Variants in ANKRD44 observed in about 807,000 individuals in gnomAD.
ANKRD44 encodes the protein ankyrin repeat domain 44, also known as serine/threonine-protein phosphatase 6 regulatory ankyrin repeat subunit B.
ANKRD44 carries 35 observed loss-of-function variants against 116.0 expected under a neutral mutation model. The ratio of observed to expected loss-of-function variants is 0.30; its 90% confidence interval spans 0.23 to 0.40. The LOEUF (loss-of-function observed/expected upper bound fraction) is 0.40, where lower values mean the gene tolerates loss of function less well. Among genes scored for constraint, ANKRD44 ranks in the 10% least tolerant of loss-of-function variants. The pLI is 1.00. For synonymous variants in ANKRD44, 435 were observed against 461.8 expected (o/e 0.94, Z 0.74); for missense variants, 1,014 against 1,242.6 (o/e 0.82, Z 2.77).
intron 1 of ANKRD44, among the ~76,000 whole-genome samples, chr2:197,233,026 G>T (rs1459224224): frequency 6.6e-6 from 1 of 152,122 alleles, no homozygotes; most frequent in Non-Finnish European, 1.5e-5. Context: ...AATAAAACTG[G>T]TAACTGTACA....
chr2:197,047,973 T>G (rs1202196291), intron 16 of ANKRD44, among the ~76,000 whole-genome samples: 1 of 151,800 alleles, frequency 6.6e-6, no homozygotes, highest in African/African-American at 2.4e-5. Flanking sequence ...CCTCTGGAAC[T>G]AAAAGTATCT....
chr2:197,278,398 C>T (rs1348572563), intron 1 of ANKRD44, among the ~76,000 whole-genome samples: 1 of 151,598 alleles, frequency 6.6e-6, no homozygotes. Context: ...GCTCTGTCGC[C>T]CAGGCTGGAG....
At position 196,968,843 on chromosome 2, in the gene ANKRD44, G is replaced by A. The variant is rs544970328; in HGVS notation, c.2369-1397C>T. On this transcript the variant is annotated intron_variant, in intron 21 of 21. Coordinates refer to the ANKRD44 transcript ENST00000424317. The stretch of plus-strand genomic sequence containing the variant: ...TTGTCTTTCCATTTTGAGCTTTCAC[G>A]CAGGCCCCCCTGTCTATATTCAACC... Among the ~76,000 whole-genome samples the A allele has an allele frequency of 8.5e-4, 130 of 152,162 alleles. 4 individuals carry two copies. In the South Asian group the frequency reaches 0.026, roughly 30 times the overall value.
chr2:197,090,131 A>C, intron 10 of ANKRD44, 99 bp from the exon 11 acceptor site: 1 of 898,262 alleles, frequency 1.1e-6, no homozygotes. Flanking sequence ...AATTAACAAC[A>C]CCTTGTGTAG....
chr2:197,108,613 C>G (rs1300132645), intron 9 of ANKRD44, among the ~76,000 whole-genome samples: 1 of 152,128 alleles, frequency 6.6e-6, no homozygotes, highest in Non-Finnish European at 1.5e-5. Context: ...CCAAGGTGGA[C>G]AGATCATTTG....
At chr2:196,979,901 G>T (rs973950970) in intron 21 of ANKRD44, among the ~76,000 whole-genome samples, 7 of 152,032 alleles carry the variant, frequency 4.6e-5, no homozygotes, top group South Asian at 2.1e-4. Context: ...GGTTTTTAAA[G>T]GTTTTTGTCA....
intron 1 of ANKRD44, among the ~76,000 whole-genome samples, chr2:197,204,306 T>C (rs2081158950): frequency 6.6e-6 from 1 of 152,174 alleles, no homozygotes; most frequent in Non-Finnish European, 1.5e-5. Context: ...AACAGGGTTA[T>C]TGGCAGATAC....
At chr2:197,186,612 C>CTTTTTTTTTTTTTTTTTTTTTTTTTTTTT (rs149107038) in intron 2 of ANKRD44, among the ~76,000 whole-genome samples, 1 of 50,786 alleles carries the variant, frequency 2.0e-5, no homozygotes, top group African/African-American at 4.7e-5. Flanking sequence ...GCTAATTTTT[C>CTTTTTTTTTTTTTTTTTTTTTTTTTTTTT]TTTTTTTTTT....
At position 197,007,945 on chromosome 2, in the gene ANKRD44, G is replaced by C. The variant is rs753325174; in HGVS notation, c.2013-22C>G. On this transcript the variant is annotated intron_variant, in intron 19 of 27. Coordinates refer to ENST00000282272, the MANE Select transcript of ANKRD44 (RefSeq NM_001195144.2). ...TGTTCTAGGCAGAGAGATAAAGCAG[G>C]CTTTTAAAAAGGAGATTTAAAAAAA... The C allele has an allele frequency of 4.3e-5, 67 of 1,561,318 alleles. No individual in the cohort carries two copies. The East Asian group carries it at 1.2e-3, about 27-fold the overall frequency.
chr2:197,021,586 C>T (rs10179545), intron 17 of ANKRD44, among the ~76,000 whole-genome samples: 9,844 of 152,226 alleles, frequency 0.065, 1,076 homozygotes, highest in African/African-American at 0.22. Context: ...CTATTGGGTA[C>T]ATAAATGTCT....
chr2:197,259,963 A>G (rs138280047), intron 1 of ANKRD44, among the ~76,000 whole-genome samples: 2 of 152,316 alleles, frequency 1.3e-5, no homozygotes, highest in East Asian at 3.9e-4. Context: ...TGGTCCAATA[A>G]AGAACACAGG....
chr2:197,218,900 C>T (rs1338405155), intron 1 of ANKRD44, among the ~76,000 whole-genome samples: 3 of 151,030 alleles, frequency 2.0e-5, no homozygotes, highest in Non-Finnish European at 4.4e-5. Context: ...GCTGGTATTA[C>T]AGGCACCCAC....
At chr2:197,006,574 A>G (rs571250160) in intron 20 of ANKRD44, among the ~76,000 whole-genome samples, 1 of 152,300 alleles carries the variant, frequency 6.6e-6, no homozygotes, top group South Asian at 2.1e-4. Flanking sequence ...CTATTCACCT[A>G]TATATAAGAA....
At chr2:197,095,207 A>C (rs191078549) in intron 10 of ANKRD44, among the ~76,000 whole-genome samples, 1 of 152,316 alleles carries the variant, frequency 6.6e-6, no homozygotes, top group African/African-American at 2.4e-5. Flanking sequence ...TTTTTGACTC[A>C]TCGGAGTGGC....
At chr2:197,252,754 TC>T (rs1228486616) in intron 1 of ANKRD44, among the ~76,000 whole-genome samples, 10 of 152,200 alleles carry the variant, frequency 6.6e-5, no homozygotes, top group African/African-American at 2.4e-4. Flanking sequence ...TTAAACTAAA[TC>T]TTTATAAGAA....
chr2:197,293,445 T>G (rs2083626229), intron 1 of ANKRD44, among the ~76,000 whole-genome samples: 2 of 152,142 alleles, frequency 1.3e-5, no homozygotes, highest in Admixed American at 1.3e-4. Context: ...ATGAAGAAAC[T>G]TTCCCCACTC....
downstream of ANKRD44, among the ~76,000 whole-genome samples, chr2:196,982,108 T>TTTTATATATA (rs150861089): frequency 2.1e-3 from 207 of 96,540 alleles, 13 homozygotes; most frequent in South Asian, 0.041. Flanking sequence ...CTAAAAAAAA[T>TTTTATATATA]TATATATATA....
chr2:197,246,862 G>A (rs936623210), intron 1 of ANKRD44, among the ~76,000 whole-genome samples: 5 of 152,276 alleles, frequency 3.3e-5, no homozygotes, highest in African/African-American at 9.6e-5. Context: ...TATCCAAGAT[G>A]ACACAGCAAG....
At chr2:197,284,306 TC>T (rs2083344476) in intron 1 of ANKRD44, among the ~76,000 whole-genome samples, 1 of 152,072 alleles carries the variant, frequency 6.6e-6, no homozygotes, top group Admixed American at 6.6e-5. Context: ...TTCCCTATCA[TC>T]CCTCAGGACA....
Sources: gnomAD v4.1 joint callset for allele counts (sites outside exome capture counted in the v4.1 genomes callset) on GRCh38, gnomAD v4.1.1 for gene constraint, MANE v1.5 for transcripts, NCBI Gene and HGNC (gene_info 2026-07-23, HGNC 2026-07-21) for gene names.